Variants in HTN3 observed in about 807,000 individuals in gnomAD.
HTN3 encodes histatin 3.
HTN3 carries 15 observed loss-of-function variants against 10.6 expected under a neutral mutation model. The ratio of observed to expected loss-of-function variants is 1.42; its 90% CI spans 0.95 to 2.18. HTN3 has a LOEUF of 2.18. HTN3 is among the 30% of genes most tolerant of loss of function. HTN3 has a pLI of 0.00. For synonymous variants in HTN3, 15 were observed against 16.9 expected (o/e 0.89, Z 0.27); for missense variants, 68 against 58.0 (o/e 1.17, Z -0.56).
At chr4:70,029,175 C>T (rs181444790) in intron 1 of HTN3, among the ~76,000 whole-genome samples, 2 of 151,936 alleles carry the variant, frequency 1.3e-5, no homozygotes, top group Non-Finnish European at 2.9e-5. Context: ...GTTCATTTAT[C>T]ATTTTATCTG....
intron 2 of HTN3, 199 bp downstream of exon 2, chr4:70,030,990 C>G: frequency 2.3e-6 from 1 of 443,192 alleles, no homozygotes; most frequent in South Asian, 3.0e-5. Context: ...TGCGAACACT[C>G]AAGTACAATT....
chr4:70,032,828 C>T (rs541133476), intron 4 of HTN3, among the ~76,000 whole-genome samples: 6 of 152,062 alleles, frequency 3.9e-5, no homozygotes, highest in Non-Finnish European at 7.4e-5. Flanking sequence ...TTCTCCTCCC[C>T]GTTATACTCA....
intron 4 of HTN3, among the ~76,000 whole-genome samples, 155 bp downstream of exon 4, chr4:70,032,262 GGT>G (rs1236305458): frequency 6.6e-6 from 1 of 151,896 alleles, no homozygotes; most frequent in Non-Finnish European, 1.5e-5. Flanking sequence ...AGAGGTAAAA[GGT>G]CACAAAAATC....
chr4:70,029,932 T>C (rs1725339954), intron 1 of HTN3, among the ~76,000 whole-genome samples: 2 of 152,228 alleles, frequency 1.3e-5, no homozygotes, highest in African/African-American at 4.8e-5. Context: ...TGTGCTATTC[T>C]TTAATAGAAA....
chr4:70,029,514 T>A (rs1341056601), intron 1 of HTN3, among the ~76,000 whole-genome samples: 1 of 151,988 alleles, frequency 6.6e-6, no homozygotes, highest in East Asian at 1.9e-4. Flanking sequence ...TAATGTTCTA[T>A]CACAAGTGAC....
rs547652131 is a variant in HTN3 at position 70,032,039 on chromosome 4, C to T, written c.73-39C>T. 1.9e-6 allele frequency: 3 copies of T among 1,542,602 alleles called. No homozygotes were observed. The South Asian group carries it at 3.5e-5, about 18-fold the overall frequency. ...TTTACTGGAAAACTTGATAATTAAT[C>T]ATATATTGAATTTTTAATCTTTTCT... On this transcript the variant is annotated intron_variant, in intron 3 of 5. Transcript: ENST00000673563.
intron 4 of HTN3, among the ~76,000 whole-genome samples, chr4:70,032,665 T>TAA (rs141014987): frequency 6.6e-6 from 1 of 152,022 alleles, no homozygotes; most frequent in African/African-American, 2.4e-5. Context: ...GTATATGTGT[T>TAA]AAAAAAGCAC....
At chr4:70,030,686 T>G in intron 1 of HTN3, 42 bp from the exon 2 acceptor site, 1 of 1,290,802 alleles carries the variant, frequency 7.7e-7, no homozygotes, top group Non-Finnish European at 1.1e-6. Flanking sequence ...AATGAATGCA[T>G]GAAAGAATGT....
chr4:70,032,151 C>T (rs1191053908), intron 4 of HTN3, 44 bp downstream of exon 4: 1 of 1,239,646 alleles, frequency 8.1e-7, no homozygotes. Flanking sequence ...AAGTTTTCTT[C>T]TCTGACTATT....
chr4:70,035,038 G>A (rs980938620), intron 5 of HTN3, among the ~76,000 whole-genome samples: 2 of 152,158 alleles, frequency 1.3e-5, no homozygotes, highest in Admixed American at 6.5e-5. Flanking sequence ...ACCAGGGATG[G>A]GGGGTAGGAG....
chr4:70,029,739 G>A (rs948076601), intron 1 of HTN3, among the ~76,000 whole-genome samples: 10 of 151,854 alleles, frequency 6.6e-5, no homozygotes, highest in Admixed American at 2.6e-4. Flanking sequence ...ACTTGCATAT[G>A]CATAATTATA....
chr4:70,033,318 A>G (rs1560427301), intron 5 of HTN3, 65 bp downstream of exon 5: 3 of 773,050 alleles, frequency 3.9e-6, no homozygotes, highest in Non-Finnish European at 6.3e-6. Flanking sequence ...ACAAGGAAAA[A>G]TTAAAAAAAA....
intron 5 of HTN3, chr4:70,034,193 C>G: frequency 6.6e-6 from 1 of 152,026 alleles, no homozygotes; most frequent in Non-Finnish European, 1.5e-5. Flanking sequence ...CAACAAAAGC[C>G]AAAATTCACA....
chr4:70,034,883 A>T (rs1365007055), intron 5 of HTN3, among the ~76,000 whole-genome samples: 2 of 152,172 alleles, frequency 1.3e-5, no homozygotes, highest in Non-Finnish European at 2.9e-5. Context: ...AAGGAATGAG[A>T]TCCTGTCCTT....
intron 5 of HTN3, 47 bp downstream of exon 5, chr4:70,033,300 CAGTT>C (rs1333165061): frequency 1.2e-6 from 1 of 850,748 alleles, no homozygotes; most frequent in African/African-American, 1.8e-5. Flanking sequence ...TCAACACTGA[CAGTT>C]AAAACAAGGA....
At position 70,033,175 on chromosome 4, in the gene HTN3, T is replaced by C. The variant is rs1159547895; in HGVS notation, c.111T>C (p.His37=). ...CTTTTGTGTGTATGCAGGAAAAGCA[T>C]CATTCACATCGAGGCTATAGATCAA... ...HGYKRKFHEK[H]HSHRGYRSNY... is the part of the protein sequence containing the mutation. Residue 37 remains histidine, a synonymous_variant, in exon 5 of 6, where the codon CAT becomes CAC. Transcript: ENST00000673563. 6 of 1,606,144 alleles carry C rather than the reference T, an allele frequency of 3.7e-6. No individual in the cohort carries two copies. The highest frequency in any genetic ancestry group is 2.2e-5 in the East Asian group (1 of 44,708).
chr4:70,031,999 G>A lies in HTN3; in HGVS notation c.72G>A (p.Lys24=). The stretch of plus-strand genomic sequence containing the variant: ...CCAAGGGAGCTGATTCACATGCAAA[G>A]GTAAGACATTTTCATTTACTGGAAA... ...LSMTGADSHA[K]RHHGYKRKFH... is the part of the protein sequence containing the mutation. Residue 24 remains lysine (K), a splice_region_variant and synonymous_variant, in exon 3 of 6, where the codon AAG becomes AAA. Coordinates refer to ENST00000673563, the MANE Select transcript of HTN3 (RefSeq NM_000200.3). The A allele has an allele frequency of 6.4e-7, 1 of 1,560,524 alleles. No individual in the cohort carries two copies. The highest frequency in any genetic ancestry group is 8.8e-7 in the Non-Finnish European group (1 of 1,136,160).
At position 70,029,653 on chromosome 4, in the gene HTN3, GC is replaced by G; in HGVS notation, c.-13-1074del. On this transcript the variant is annotated intron_variant, in intron 1 of 5. Coordinates refer to ENST00000673563, the MANE Select transcript of HTN3 (RefSeq NM_000200.3). ...GGTAATTGTATTTTCCAGTGGAAATGCTTTTATTTACATGTTTGTAATTTAG... is the reference window on the plus strand; with the variant it reads ...GGTAATTGTATTTTCCAGTGGAAATGTTTTATTTACATGTTTGTAATTTAG... Among the ~76,000 whole-genome samples, 2 of 152,200 alleles carry G rather than the reference GC, an allele frequency of 1.3e-5. 1 individual carries two copies. Among genetic ancestry groups the G allele is most frequent in the South Asian group, 4.1e-4 (2 of 4,820 alleles).
chr4:70,031,852 GCAT>G (rs1378760173), intron 2 of HTN3, 124 bp from the exon 3 acceptor site: 39 of 657,764 alleles, frequency 5.9e-5, no homozygotes, highest in Middle Eastern at 3.7e-4. Flanking sequence ...AACTAATTTA[GCAT>G]GTCATCATCC....
Sources: allele counts gnomAD v4.1 joint callset (sites outside exome capture counted in the v4.1 genomes callset), GRCh38; gene constraint gnomAD v4.1.1; transcripts MANE v1.5; gene names NCBI Gene and HGNC (gene_info 2026-07-23, HGNC 2026-07-21).